Variants in RILPL1 observed in about 807,000 individuals in gnomAD.
RILPL1 encodes RILP-like protein 1.
RILPL1 carries 33 observed loss-of-function variants against 50.3 expected under a neutral mutation model. The ratio of observed to expected loss-of-function variants is 0.66; its 90% confidence interval spans 0.50 to 0.88. RILPL1 has a LOEUF of 0.88. Among genes scored for constraint, RILPL1 ranks in the 40% least tolerant of loss-of-function variants. RILPL1 has a pLI of 0.00. For synonymous variants in RILPL1, 205 were observed against 228.6 expected (o/e 0.90, Z 0.93); for missense variants, 418 against 542.5 (o/e 0.77, Z 2.28).
intron 6 of RILPL1, among the ~76,000 whole-genome samples, chr12:123,477,421 C>T (rs1485139153): frequency 6.6e-6 from 1 of 151,320 alleles, no homozygotes; most frequent in Non-Finnish European, 1.5e-5. Flanking sequence ...TCACTGCAAC[C>T]TCCACCTCCT....
intron 4 of RILPL1, among the ~76,000 whole-genome samples, chr12:123,496,098 C>T (rs1366051636): frequency 6.6e-6 from 1 of 152,002 alleles, no homozygotes; most frequent in Non-Finnish European, 1.5e-5. Context: ...CCACAACCTC[C>T]ACGTCCCGGG....
chr12:123,479,857 G>A (rs372889849), intron 6 of RILPL1, among the ~76,000 whole-genome samples: 2 of 152,144 alleles, frequency 1.3e-5, no homozygotes, highest in Admixed American at 6.6e-5. Flanking sequence ...GGGCCCCAGC[G>A]TCCTTTCTGG....
intron 2 of RILPL1, among the ~76,000 whole-genome samples, chr12:123,500,673 CA>C (rs1883324724): frequency 6.6e-6 from 1 of 152,154 alleles, no homozygotes; most frequent in Non-Finnish European, 1.5e-5. Context: ...TATTTATCAG[CA>C]GTTTGGTTTG....
chr12:123,499,317 G>T, intron 3 of RILPL1, 101 bp downstream of exon 3: 1 of 775,394 alleles, frequency 1.3e-6, no homozygotes, highest in Non-Finnish European at 2.2e-6. Flanking sequence ...CCCCAAGAAT[G>T]AGAGTGAGGG....
Position 123,498,508 on chromosome 12 carries a change from C to T in RILPL1, c.801+36G>A. The T allele has an allele frequency of 6.3e-7, 1 of 1,592,072 alleles. No homozygotes were observed. The highest frequency in any genetic ancestry group is 8.6e-7 in the Non-Finnish European group (1 of 1,162,774). On this transcript the variant is annotated intron_variant, in intron 4 of 6. Coordinates refer to ENST00000376874, the MANE Select transcript of RILPL1 (RefSeq NM_178314.5). The surrounding 1 kb of genome is among the most constrained non-coding windows in gnomAD (Gnocchi z 4.3). ...CCTTAAGCCAACCCCCAGACTGACC[C>T]TCTGCTACCACCTCTGCACCCAGCT...
Position 123,472,587 on chromosome 12 carries a change from C to T in RILPL1, c.1163G>A (p.Arg388His), listed in dbSNP as rs1185549696. 48 of 1,560,750 alleles carry T rather than the reference C, an allele frequency of 3.1e-5. No individual in the cohort carries two copies. Among genetic ancestry groups the T allele is most frequent in the Non-Finnish European group, 3.8e-5 (44 of 1,151,998 alleles). ...ESFGQWANTH[R>H]DDGYTEQGQE... ...TCCTTGCTCTGTGTAACCGTCATCG[C>T]GGTGGGTGTTTGCCCACTGTCCAAA... Residue 388 changes from arginine (R) to histidine (H), a missense_variant, in exon 7 of 7, where the codon CGC becomes CAC. Physicochemically the swap from Arg to His is conservative, Grantham distance 29. Transcript: ENST00000376874.
chr12:123,523,455 A>C, intron 2 of RILPL1, 40 bp downstream of exon 2: 1 of 1,612,728 alleles, frequency 6.2e-7, no homozygotes. Context: ...TAAGAAAAGG[A>C]ATGGCCGGCC....
At chr12:123,486,431 C>T (rs546702294) in intron 4 of RILPL1, among the ~76,000 whole-genome samples, 6 of 152,146 alleles carry the variant, frequency 3.9e-5, no homozygotes, top group Non-Finnish European at 5.9e-5. Flanking sequence ...TGCCCCAGGT[C>T]ACACCCACAC....
intron 2 of RILPL1, among the ~76,000 whole-genome samples, chr12:123,516,297 C>A (rs989931448): frequency 1.3e-5 from 2 of 152,256 alleles, no homozygotes; most frequent in African/African-American, 2.4e-5. Context: ...TTTGCTACCT[C>A]AGGCATCCTG....
At chr12:123,528,807 G>A (rs924845845) in intron 1 of RILPL1, among the ~76,000 whole-genome samples, 7 of 151,768 alleles carry the variant, frequency 4.6e-5, no homozygotes, top group Non-Finnish European at 7.4e-5. Context: ...TTCTCTCAAC[G>A]AACTGAAGTT....
Position 123,498,565 on chromosome 12 carries a change from C to A in RILPL1, c.780G>T (p.Gln260His). The A allele has an allele frequency of 6.2e-7, 1 of 1,613,584 alleles. No individual in the cohort carries two copies. The highest frequency in any genetic ancestry group is 8.5e-7 in the Non-Finnish European group (1 of 1,179,870). The change falls in exon 4 of 7, where the codon CAG (glutamine) becomes CAT (histidine). Residue 260 changes from glutamine (Q) to histidine (H), a missense_variant. Gln to His is a conservative substitution (Grantham distance 24, BLOSUM62 0). Coordinates refer to ENST00000376874, the MANE Select transcript of RILPL1 (RefSeq NM_178314.5). This position sits in a 1 kb window ranked among gnomAD's most constrained non-coding sequence, Gnocchi z 4.3. ...TCACCTCAGGCTCCTCCTCCCCATTCTGGCTGTGCTCCCCCTGCAGCCTCT... is the reference window on the plus strand; with the variant it reads ...TCACCTCAGGCTCCTCCTCCCCATTATGGCTGTGCTCCCCCTGCAGCCTCT... Reference protein sequence around the residue: ...LRERLQGEHSQNGEEEPETEP... With the variant: ...LRERLQGEHSHNGEEEPETEP...
intron 2 of RILPL1, among the ~76,000 whole-genome samples, chr12:123,517,000 G>A (rs1402569047): frequency 6.6e-6 from 1 of 152,132 alleles, no homozygotes; most frequent in Non-Finnish European, 1.5e-5. Flanking sequence ...TGAGGGAGGA[G>A]GAGGTTGCAG....
At chr12:123,525,215 C>T (rs1357310783) in intron 1 of RILPL1, among the ~76,000 whole-genome samples, 1 of 151,630 alleles carries the variant, frequency 6.6e-6, no homozygotes, top group Non-Finnish European at 1.5e-5. Context: ...CTGAAGTGTA[C>T]ATCTTATTTA....
At chr12:123,501,062 C>T (rs757803067) in intron 2 of RILPL1, among the ~76,000 whole-genome samples, 45 of 151,796 alleles carry the variant, frequency 3.0e-4, no homozygotes, top group Non-Finnish European at 4.6e-4. Flanking sequence ...GAGCCGAGAT[C>T]GTGCCATTGG....
chr12:123,511,402 G>C (rs1453617516), intron 2 of RILPL1, among the ~76,000 whole-genome samples: 1 of 144,124 alleles, frequency 6.9e-6, no homozygotes, highest in Non-Finnish European at 1.5e-5. Flanking sequence ...TGTGAGGTCT[G>C]TGTGTGTGAG....
In RILPL1 at chr12:123,472,200, T is replaced by C. The variant is rs530303749; in HGVS notation, c.*338A>G. On this transcript the variant is annotated 3_prime_UTR_variant, in exon 7 of 7. Transcript: ENST00000376874. ...TTATACAAAGCAAGTCAAACAGCAA[T>C]GATAGTGGCAAGTGATGTATTTGGC... 11 of 268,346 alleles carry C rather than the reference T, an allele frequency of 4.1e-5. No homozygotes were observed. In the South Asian group the frequency reaches 7.5e-4, roughly 18 times the overall value. The allele number at this position is 268,346 out of a possible 1,614,324, so 16.6% of individuals were successfully genotyped here. A position where few individuals can be genotyped will look rare whatever the true frequency, so the allele number is the denominator to read the frequency against.
In RILPL1 at chr12:123,533,282, C is replaced by A. The variant is rs1370130985; in HGVS notation, c.201G>T (p.Leu67=). Residue 67 remains leucine, a synonymous_variant, in exon 1 of 7, where the codon CTG becomes CTT. Transcript: ENST00000376874. This position sits in a 1 kb window ranked among gnomAD's most constrained non-coding sequence, Gnocchi z 6.2. ...VVRVLEILEV[L]VSRHHVAPEL... is the part of the protein sequence containing the mutation. ...CGGGCGCGACGTGGTGGCGGCTGACCAGCACCTCCAGGATCTCCAGGACGC... is the reference window on the plus strand; with the variant it reads ...CGGGCGCGACGTGGTGGCGGCTGACAAGCACCTCCAGGATCTCCAGGACGC... The A allele has an allele frequency of 5.0e-6, 8 of 1,586,642 alleles. No homozygotes were observed. Among genetic ancestry groups the A allele is most frequent in the Non-Finnish European group, 6.8e-6 (8 of 1,171,874 alleles).
intron 6 of RILPL1, among the ~76,000 whole-genome samples, chr12:123,482,391 G>T (rs1188162079): frequency 6.6e-6 from 1 of 152,108 alleles, no homozygotes; most frequent in African/African-American, 2.4e-5. Context: ...CCTGAATGAA[G>T]CTGGAAGGGA....
chr12:123,501,306 G>A (rs1015994953), intron 2 of RILPL1, among the ~76,000 whole-genome samples: 5 of 151,470 alleles, frequency 3.3e-5, no homozygotes, highest in Middle Eastern at 6.8e-3. Context: ...CTAGCCAAGC[G>A]TGGTGGTGTC....
Sources: gnomAD v4.1 joint callset for allele counts (sites outside exome capture counted in the v4.1 genomes callset) on GRCh38, gnomAD v4.1.1 for gene constraint, Gnocchi (gnomAD v3.1) non-coding constraint, MANE v1.5 for transcripts, NCBI Gene and HGNC (gene_info 2026-07-23, HGNC 2026-07-21) for gene names.